Variants in GPR135 observed in about 807,000 individuals in gnomAD.
GPR135 encodes G-protein coupled receptor 135.
In GPR135, 17 loss-of-function variants were observed where a neutral mutation model predicts 15.0. That is an observed-to-expected ratio of 1.13 (90% CI 0.78 to 1.70). GPR135 has a LOEUF of 1.70. GPR135 is among the 40% of genes most tolerant of loss of function. The probability of loss-of-function intolerance (pLI) is 0.00; values close to 1 mark genes in which losing one functional copy is unlikely to be tolerated. For missense variants in GPR135, 776 were observed against 727.0 expected (o/e 1.07, Z -0.78); for synonymous variants, 368 against 349.4 (o/e 1.05, Z -0.59).
intron 6 of GPR135, among the ~76,000 whole-genome samples, chr14:59,454,585 T>C (rs1203260839): frequency 1.3e-5 from 2 of 152,204 alleles, no homozygotes; most frequent in African/African-American, 2.4e-5. Flanking sequence ...TGTATTTCCT[T>C]GTACGCACAG....
chr14:59,454,630 G>C (rs1298082481), intron 6 of GPR135, among the ~76,000 whole-genome samples: 2 of 152,184 alleles, frequency 1.3e-5, no homozygotes, highest in South Asian at 4.1e-4. Flanking sequence ...CTGTACTAAA[G>C]GAGGCTGTGC....
rs747772915 is a variant in GPR135, at chr14:59,464,946, G to A, written c.281C>T (p.Ala94Val). Residue 94 changes from alanine (A) to valine (V), a missense_variant, in exon 1 of 1, where the codon GCG becomes GTG. Transcript: ENST00000395116. ...AVRRPLGPEA[A>V]PLLSHGAAVA... Reference sequence around the variant, plus strand: ...TGCAGCTCCGTGCGACAGCAGCGGCGCCGCCTCCGGGCCTAGCGGCCGCCT... The same window carrying A: ...TGCAGCTCCGTGCGACAGCAGCGGCACCGCCTCCGGGCCTAGCGGCCGCCT... 8.7e-5 allele frequency: 135 copies of A among 1,545,068 alleles called. No homozygotes were observed. The highest frequency in any genetic ancestry group is 1.1e-4 in the Non-Finnish European group (122 of 1,149,058).
chr14:59,458,136 G>A (rs1888727050), downstream of GPR135, among the ~76,000 whole-genome samples: 1 of 152,228 alleles, frequency 6.6e-6, no homozygotes, highest in South Asian at 2.1e-4. Flanking sequence ...AGAGGACACA[G>A]CCTTGGGTAT....
rs564261766 is a variant in GPR135, at chr14:59,463,819, A to G, written c.1408T>C (p.Cys470Arg). 6.2e-6 allele frequency: 10 copies of G among 1,614,204 alleles called. No individual in the cohort carries two copies. In the Admixed American group the frequency reaches 1.7e-4, roughly 27 times the overall value. ...ACCGGCTCTGGTGGTCCCTCTCGGC[A>G]GAAAAGTACAACTGGATTTTTGCGG... is the stretch of plus-strand genomic sequence containing the variant. ...WARKNPVVLF[C>R]REGPPEPVTA... The change falls in exon 1 of 1, where the codon TGC (cysteine) becomes CGC (arginine). Residue 470 changes from cysteine (C) to arginine (R), a missense_variant. Coordinates refer to ENST00000395116, the MANE Select transcript of GPR135 (RefSeq NM_022571.6).
Position 59,464,332 on chromosome 14 carries a change from G to A in GPR135, c.895C>T (p.His299Tyr). ...GACAGGCGCACCGTCTTGCAGATGT[G>A]GTAGTGGCAGAAGCACATGAGCAGG... Reference protein sequence around the residue: ...PFLLMCFCHYHICKTVRLSDV... With the variant: ...PFLLMCFCHYYICKTVRLSDV... The change falls in exon 1 of 1, where the codon CAC becomes TAC. Residue 299 changes from histidine to tyrosine, a missense_variant. His to Tyr is a moderately conservative substitution (Grantham distance 83, BLOSUM62 2). Transcript: ENST00000395116. 1 of 1,610,604 alleles carries A rather than the reference G, an allele frequency of 6.2e-7. No homozygotes were observed. Among genetic ancestry groups the A allele is most frequent in the East Asian group, 2.2e-5 (1 of 44,814 alleles).
At position 59,465,185 on chromosome 14, in the gene GPR135, G is replaced by A. The variant is rs1415699703; in HGVS notation, c.42C>T (p.Ala14=). ...PQPPRPPASM[A]LLGSQHSGAP... ...CGCCGGAGTGCTGGCTGCCCAGTAAGGCCATGCTCGCTGGTGGGCGGGGCG... is the reference window on the plus strand; with the variant it reads ...CGCCGGAGTGCTGGCTGCCCAGTAAAGCCATGCTCGCTGGTGGGCGGGGCG... Residue 14 remains alanine, a synonymous_variant, in exon 1 of 1, where the codon GCC becomes GCT. Transcript: ENST00000395116. The A allele has an allele frequency of 7.9e-7, 1 of 1,272,716 alleles. No homozygotes were observed. The allele number at this position is 1,272,716 out of a possible 1,614,324, so 78.8% of individuals were successfully genotyped here. A position where few individuals can be genotyped will look rare whatever the true frequency, so the allele number is the denominator to read the frequency against.
downstream of GPR135, among the ~76,000 whole-genome samples, chr14:59,457,413 C>A (rs1888693527): frequency 1.3e-5 from 2 of 152,022 alleles, no homozygotes; most frequent in African/African-American, 4.8e-5. Flanking sequence ...TTTTTCTGCT[C>A]TTTTTTCTCT....
At chr14:59,458,314 G>C (rs1296422635), downstream of GPR135, among the ~76,000 whole-genome samples, 2 of 152,098 alleles carry the variant, frequency 1.3e-5, no homozygotes, top group East Asian at 3.9e-4. Context: ...CCAATTGCAG[G>C]GGCAGTTTTT....
chr14:59,458,275 C>T (rs1419916674), downstream of GPR135, among the ~76,000 whole-genome samples: 1 of 152,152 alleles, frequency 6.6e-6, no homozygotes, highest in Non-Finnish European at 1.5e-5. Context: ...TGACAATGCT[C>T]TTGGGCATAA....
At position 59,453,333 on chromosome 14, in the gene GPR135, A is replaced by G. The variant is rs752408806; in HGVS notation, c.*874+2351T>C. On this transcript the variant is annotated intron_variant and NMD_transcript_variant, in intron 6 of 6. Coordinates refer to the GPR135 transcript ENST00000481661. ...GGTGAGGTTTTGCTTGTGTTGGGGC[A>G]AAGAATAAATGGGAAATCTCTGTAC... Among the ~76,000 whole-genome samples, 150 of 152,150 alleles carry G rather than the reference A, an allele frequency of 9.9e-4. 1 individual carries two copies. Among genetic ancestry groups the G allele is most frequent in the Non-Finnish European group, 3.7e-4 (25 of 68,010 alleles).
intron 6 of GPR135, among the ~76,000 whole-genome samples, chr14:59,454,101 T>C (rs904367049): frequency 1.3e-5 from 2 of 152,142 alleles, no homozygotes; most frequent in African/African-American, 4.8e-5. Context: ...CCACAGGAGA[T>C]TAACATTTGA....
chr14:59,456,730 T>A (rs1888668534), downstream of GPR135, among the ~76,000 whole-genome samples: 1 of 152,170 alleles, frequency 6.6e-6, no homozygotes, highest in South Asian at 2.1e-4. Context: ...AACCTGTCAA[T>A]CAAAAGAAGG....
chr14:59,454,779 G>T (rs1888599597), intron 6 of GPR135, among the ~76,000 whole-genome samples: 1 of 152,118 alleles, frequency 6.6e-6, no homozygotes, highest in African/African-American at 2.4e-5. Context: ...AGATAAATAT[G>T]TTTTCAGGTT....
rs1212081919 is a variant in GPR135, at chr14:59,464,442, C to T, written c.785G>A (p.Cys262Tyr). ...GGGGTCCGGGGAGGTCCGGTAGAGG[C>T]AGCCGTGGAAGCTCTGCGCCGCCGC... Reference protein sequence around the residue: ...ELAAAQSFHGCLYRTSPDPAQ... With the variant: ...ELAAAQSFHGYLYRTSPDPAQ... The change falls in exon 1 of 1, where the codon TGC becomes TAC. Residue 262 changes from cysteine to tyrosine, a missense_variant. Transcript: ENST00000395116. The T allele has an allele frequency of 1.3e-6, 2 of 1,566,326 alleles. No individual in the cohort carries two copies. The highest frequency in any genetic ancestry group is 1.7e-6 in the Non-Finnish European group (2 of 1,159,218).
chr14:59,453,289 G>T (rs2139755255), intron 6 of GPR135, among the ~76,000 whole-genome samples: 1 of 152,284 alleles, frequency 6.6e-6, no homozygotes. Flanking sequence ...TACCTCTCTG[G>T]TGGGGGATAT....
downstream of GPR135, among the ~76,000 whole-genome samples, chr14:59,459,275 CA>C (rs901481586): frequency 1.3e-5 from 2 of 152,244 alleles, no homozygotes; most frequent in African/African-American, 4.8e-5. Flanking sequence ...AATATCAAAA[CA>C]TATCAAAAAC....
In GPR135 at chr14:59,460,810, T is replaced by A. The variant is rs1339488919; in HGVS notation, c.*2932A>T. 1 of 152,230 alleles carries A rather than the reference T, an allele frequency of 6.6e-6. No homozygotes were observed. Among genetic ancestry groups the A allele is most frequent in the Non-Finnish European group, 1.5e-5 (1 of 68,032 alleles). The allele number at this position is 152,230 out of a possible 1,614,324, so 9.4% of individuals were successfully genotyped here. A position where few individuals can be genotyped will look rare whatever the true frequency, so the allele number is the denominator to read the frequency against. On this transcript the variant is annotated 3_prime_UTR_variant, in exon 1 of 1. Transcript: ENST00000395116. ...AATCCATTCCAATATTTCATAGCTT[T>A]TCTTTCTCGTTTTCCCATGAAGTCA...
rs1432393909 is a variant in GPR135, at chr14:59,465,312, T to C, written c.-86A>G. On this transcript the variant is annotated 5_prime_UTR_variant, in exon 1 of 1. Coordinates refer to ENST00000395116, the MANE Select transcript of GPR135 (RefSeq NM_022571.6). ...GGAGTGGTGGCTCGGGGCCGGGGGCTAGCGGCCGCCGCGGGGAGCTGGGCT... is the reference window on the plus strand; with the variant it reads ...GGAGTGGTGGCTCGGGGCCGGGGGCCAGCGGCCGCCGCGGGGAGCTGGGCT... The C allele has an allele frequency of 1.0e-6, 1 of 1,003,746 alleles. No individual in the cohort carries two copies. Among genetic ancestry groups the C allele is most frequent in the Non-Finnish European group, 1.3e-6 (1 of 786,968 alleles). 62.2% of individuals were successfully genotyped at this position (1,003,746 alleles called of 1,614,324 possible). A position where few individuals can be genotyped will look rare whatever the true frequency, so the allele number is the denominator to read the frequency against.
At chr14:59,453,904 A>C (rs1888568958) in intron 6 of GPR135, among the ~76,000 whole-genome samples, 1 of 152,218 alleles carries the variant, frequency 6.6e-6, no homozygotes, top group Non-Finnish European at 1.5e-5. Context: ...GTAGTCAAAG[A>C]GGTTAGGAAG....
Sources: allele counts gnomAD v4.1 joint callset (sites outside exome capture counted in the v4.1 genomes callset), GRCh38; gene constraint gnomAD v4.1.1; transcripts MANE v1.5; gene names NCBI Gene and HGNC (gene_info 2026-07-23, HGNC 2026-07-21).